The following AHNAK variants were observed in gnomAD, a reference collection of about 807,000 sequenced individuals.
AHNAK encodes AHNAK nucleoprotein, also known as neuroblast differentiation-associated protein AHNAK.
In AHNAK, 23 loss-of-function variants were observed where a neutral mutation model predicts 37.8. The ratio of observed to expected loss-of-function variants is 0.61; its 90% CI spans 0.44 to 0.86. The LOEUF is 0.86. Among genes scored for constraint, AHNAK ranks in the 40% least tolerant of loss-of-function variants. AHNAK has a pLI of 0.00. For synonymous variants in AHNAK, 2,481 were observed against 2,636.3 expected, an observed-to-expected ratio of 0.94 and a Z score of 1.80; for missense variants, 7,411 against 7,319.4, an observed-to-expected ratio of 1.01 and a Z score of -0.46.
At chr11:62,448,168 G>A (rs893224700) in intron 5 of AHNAK, among the ~76,000 whole-genome samples, 5 of 152,102 alleles carry the variant, frequency 3.3e-5, no homozygotes, top group African/African-American at 1.2e-4. Context: ...GAGGCTAGAG[G>A]GACAAGAGTG....
At position 62,527,621 on chromosome 11, in the gene AHNAK, T is replaced by G; in HGVS notation, c.6796A>C (p.Asn2266His). ...ACATCAACGTCAGCCTTGGGCAAGT[T>G]CACATCCACTTCTGGGCCCTCTCCT... ...FKGEGPEVDV[N>H]LPKADVDVSG... Residue 2266 changes from asparagine (N) to histidine (H), a missense_variant, in exon 5 of 5, where the codon AAC (asparagine) becomes CAC (histidine). Transcript: ENST00000378024. 1 of 1,613,908 alleles carries G rather than the reference T, an allele frequency of 6.2e-7. No homozygotes were observed. The highest frequency in any genetic ancestry group is 8.5e-7 in the Non-Finnish European group (1 of 1,180,002).
intron 5 of AHNAK, among the ~76,000 whole-genome samples, chr11:62,467,404 G>A (rs948344183): frequency 1.3e-5 from 2 of 152,140 alleles, no homozygotes; most frequent in African/African-American, 4.8e-5. Context: ...CCCTCTTGAG[G>A]CTTGGCGCAG....
Position 62,528,666 on chromosome 11 carries a change from G to C in AHNAK, c.5751C>G (p.Phe1917Leu). The C allele has an allele frequency of 6.2e-7, 1 of 1,610,632 alleles. No individual in the cohort carries two copies. The change falls in exon 5 of 5, where the codon TTC becomes TTG. Residue 1917 changes from phenylalanine (F) to leucine (L), a missense_variant. Physicochemically the swap from Phe to Leu is conservative, Grantham distance 22. Coordinates refer to ENST00000378024, the MANE Select transcript of AHNAK (RefSeq NM_001620.3). ...GPKFKMPDMH[F>L]KAPKISMPDV... ...CAGGCATGGAGATCTTGGGGGCCTT[G>C]AAGTGCATGTCTGGCATCTTAAATT... is the stretch of plus-strand genomic sequence containing the variant.
chr11:62,442,935 G>T (rs544872795), intron 5 of AHNAK, among the ~76,000 whole-genome samples: 2 of 152,126 alleles, frequency 1.3e-5, no homozygotes, highest in East Asian at 3.9e-4. Flanking sequence ...ATGCACCTGG[G>T]TGACCTAAGC....
chr11:62,530,804 T>C lies in AHNAK; in HGVS notation c.3613A>G (p.Lys1205Glu). 1.2e-6 allele frequency: 2 copies of C among 1,613,538 alleles called. No individual in the cohort carries two copies. Among genetic ancestry groups the C allele is most frequent in the Non-Finnish European group, 1.7e-6 (2 of 1,179,930 alleles). ...ISMPDVDLHL[K>E]GPKVKGDVDV... ...ACATCCCCTTTGACTTTGGGGCCTT[T>C]CAAGTGTAAGTCCACATCAGGCATG... Residue 1205 changes from lysine (K) to glutamate (E), a missense_variant, in exon 5 of 5, where the codon AAA becomes GAA. Coordinates refer to ENST00000378024, the MANE Select transcript of AHNAK (RefSeq NM_001620.3).
chr11:62,510,204 C>A (rs375296330), intron 4 of AHNAK, among the ~76,000 whole-genome samples: 1 of 151,448 alleles, frequency 6.6e-6, no homozygotes, highest in African/African-American at 2.4e-5. Context: ...CCACCACACC[C>A]GGCTAATTTT....
intron 5 of AHNAK, among the ~76,000 whole-genome samples, chr11:62,451,127 C>G (rs528835604): frequency 1.3e-5 from 2 of 150,092 alleles, no homozygotes; most frequent in East Asian, 3.9e-4. Flanking sequence ...GTCACTCAGG[C>G]TAGAGTGCAG....
chr11:62,470,560 C>A (rs780448933), intron 5 of AHNAK, among the ~76,000 whole-genome samples: 43 of 151,656 alleles, frequency 2.8e-4, no homozygotes, highest in Admixed American at 4.6e-4. Context: ...GAGCCGAGAT[C>A]GCGCCACTGC....
chr11:62,531,872 C>T lies in AHNAK; in HGVS notation c.2545G>A (p.Val849Ile). 5 of 1,613,266 alleles carry T rather than the reference C, an allele frequency of 3.1e-6. No homozygotes were observed. The highest frequency in any genetic ancestry group is 4.2e-6 in the Non-Finnish European group (5 of 1,179,882). The change falls in exon 5 of 5, where the codon GTT (valine) becomes ATT (isoleucine). Residue 849 changes from valine (V) to isoleucine (I), a missense_variant. By Grantham distance (29) the Val-to-Ile change is conservative. Transcript: ENST00000378024. Reference sequence around the variant, plus strand: ...GCACTTTTAAGTTCAACATCAGGAACTTTAATCTCACTTTCAACCTTTGGC... The same window carrying T: ...GCACTTTTAAGTTCAACATCAGGAATTTTAATCTCACTTTCAACCTTTGGC... Reference protein sequence around the residue: ...TMPKVESEIKVPDVELKSAKM... With the variant: ...TMPKVESEIKIPDVELKSAKM...
chr11:62,465,119 C>G (rs1016719743), intron 5 of AHNAK, among the ~76,000 whole-genome samples: 2 of 152,078 alleles, frequency 1.3e-5, no homozygotes, highest in African/African-American at 4.8e-5. Flanking sequence ...AGTCTCAGCC[C>G]TTGGTCCTCT....
chr11:62,492,810 C>G (rs1442837917), intron 4 of AHNAK, among the ~76,000 whole-genome samples: 1 of 150,584 alleles, frequency 6.6e-6, no homozygotes, highest in African/African-American at 2.5e-5. Context: ...TCCAGGAGGT[C>G]AAGGCTACAG....
At chr11:62,463,354 C>CA (rs1195370523) in intron 5 of AHNAK, among the ~76,000 whole-genome samples, 1 of 152,084 alleles carries the variant, frequency 6.6e-6, no homozygotes, top group African/African-American at 2.4e-5. Flanking sequence ...TTTGTGACCA[C>CA]AGATCTCAAG....
At chr11:62,439,586 T>G (rs1218041553) in intron 5 of AHNAK, among the ~76,000 whole-genome samples, 1 of 152,090 alleles carries the variant, frequency 6.6e-6, no homozygotes, top group Admixed American at 6.6e-5. Flanking sequence ...CTTTTCATTA[T>G]CATTTGTCTA....
intron 5 of AHNAK, among the ~76,000 whole-genome samples, chr11:62,480,325 A>C (rs1436682250): frequency 1.3e-5 from 2 of 152,184 alleles, no homozygotes; most frequent in Non-Finnish European, 2.9e-5. Context: ...CTCCAGGTAC[A>C]TCCATTCAGA....
chr11:62,527,862 G>A lies in AHNAK; in HGVS notation c.6555C>T (p.Ser2185=). ...PEMHFKTPKI[S]MPDVNLNLKG... is the part of the protein sequence containing the mutation. ...TCAAGTTTAAGTTCACATCAGGCATGGAGATCTTGGGGGTCTTGAAGTGCA... is the reference window on the plus strand; with the variant it reads ...TCAAGTTTAAGTTCACATCAGGCATAGAGATCTTGGGGGTCTTGAAGTGCA... Residue 2185 remains serine (S), a synonymous_variant, in exon 5 of 5, where the codon TCC becomes TCT. Transcript: ENST00000378024. 3 of 1,613,590 alleles carry A rather than the reference G, an allele frequency of 1.9e-6. No individual in the cohort carries two copies. The highest frequency in any genetic ancestry group is 2.5e-6 in the Non-Finnish European group (3 of 1,179,908).
At position 62,518,424 on chromosome 11, in the gene AHNAK, G is replaced by T. The variant is rs757185362; in HGVS notation, c.15993C>A (p.Leu5331=). The change falls in exon 5 of 5, where the codon CTC becomes CTA. Residue 5331 remains leucine, a synonymous_variant. Coordinates refer to ENST00000378024, the MANE Select transcript of AHNAK (RefSeq NM_001620.3). Reference sequence around the variant, plus strand: ...CCTGCATTTTGCCACCGACACCACTGAGGTTGAGCCCTGGAGCATGCACCT... The same window carrying T: ...CCTGCATTTTGCCACCGACACCACTTAGGTTGAGCCCTGGAGCATGCACCT... ...SMKVHAPGLN[L]SGVGGKMQVG... 2 of 1,614,124 alleles carry T rather than the reference G, an allele frequency of 1.2e-6. No individual in the cohort carries two copies. The highest frequency in any genetic ancestry group is 1.6e-4 in the Middle Eastern group (1 of 6,062).
intron 5 of AHNAK, among the ~76,000 whole-genome samples, chr11:62,488,477 C>A (rs1418310496): frequency 6.6e-6 from 1 of 151,826 alleles, no homozygotes; most frequent in Non-Finnish European, 1.5e-5. Flanking sequence ...TCCCAGTTCA[C>A]TGCAGCCTCC....
chr11:62,518,324 G>A lies in AHNAK; in HGVS notation c.16093C>T (p.Leu5365=). Residue 5365 remains leucine, a synonymous_variant, in exon 5 of 5, where the codon CTG becomes TTG. Coordinates refer to ENST00000378024, the MANE Select transcript of AHNAK (RefSeq NM_001620.3). ...TCTCCCTGCAGGCTTGGTCCCCTCA[G>A]TGTCACATCTGGTGCCCCAACGTTA... is the stretch of plus-strand genomic sequence containing the variant. ...KLNVGAPDVT[L]RGPSLQGDLA... The A allele has an allele frequency of 6.2e-7, 1 of 1,614,158 alleles. No individual in the cohort carries two copies. The highest frequency in any genetic ancestry group is 1.1e-5 in the South Asian group (1 of 91,078).
intron 5 of AHNAK, among the ~76,000 whole-genome samples, chr11:62,434,886 T>A (rs1029772974): frequency 1.5e-5 from 2 of 132,732 alleles, no homozygotes; most frequent in Non-Finnish European, 3.1e-5. Context: ...TGATCCAAGA[T>A]CCTGTCACTG....
Sources: gnomAD v4.1 joint callset for allele counts (sites outside exome capture counted in the v4.1 genomes callset) on GRCh38, gnomAD v4.1.1 for gene constraint, MANE v1.5 for transcripts, NCBI Gene and HGNC (gene_info 2026-07-23, HGNC 2026-07-21) for gene names.